Variants in DDB2 observed in about 807,000 individuals in gnomAD.
DDB2 encodes DNA damage-binding protein 2.
DDB2 carries 27 observed loss-of-function variants against 50.5 expected under a neutral mutation model. The observed-to-expected ratio is 0.53, with a 90% CI of 0.39 to 0.74. DDB2 has a LOEUF of 0.74. Ranked by LOEUF, DDB2 falls within the 30% of genes least tolerant of loss-of-function variation. The probability of loss-of-function intolerance (pLI) is 0.00; values close to 1 mark genes in which losing one functional copy is unlikely to be tolerated. For synonymous variants in DDB2, 176 were observed against 205.5 expected (o/e 0.86, Z 1.23); for missense variants, 424 against 545.6 (o/e 0.78, Z 2.22).
intron 3 of DDB2, among the ~76,000 whole-genome samples, chr11:47,225,388 C>G (rs572628631): frequency 6.6e-6 from 1 of 151,332 alleles, no homozygotes; most frequent in South Asian, 2.1e-4. Context: ...GTCAGGAGAT[C>G]GAGACCATCC....
chr11:47,235,716 G>C (rs977838914), intron 7 of DDB2: 1 of 466,476 alleles, frequency 2.1e-6, no homozygotes, highest in South Asian at 2.2e-5. Context: ...CTCAGCTTCA[G>C]TTACCTGTGT....
At chr11:47,234,960 C>T (rs1953703606) in intron 6 of DDB2, 26 bp downstream of exon 6, 2 of 1,612,734 alleles carry the variant, frequency 1.2e-6, no homozygotes, top group African/African-American at 1.3e-5. Flanking sequence ...CCTCATCTCT[C>T]CTGCAGACCC....
intron 3 of DDB2, among the ~76,000 whole-genome samples, chr11:47,218,623 C>T (rs987798493): frequency 2.0e-5 from 3 of 152,020 alleles, no homozygotes; most frequent in Non-Finnish European, 2.9e-5. Context: ...AGTGTGTCGT[C>T]CCCTCTAGGA....
At chr11:47,238,228 C>T (rs936604357) in intron 9 of DDB2, 45 bp downstream of exon 9, 2 of 1,556,892 alleles carry the variant, frequency 1.3e-6, no homozygotes, top group Non-Finnish European at 1.8e-6. Flanking sequence ...TCCGATCCTA[C>T]TTCCCAAGGT....
intron 1 of DDB2, chr11:47,215,481 G>T: frequency 3.3e-6 from 2 of 607,074 alleles, no homozygotes; most frequent in Non-Finnish European, 5.9e-6. Context: ...CGTAACAACA[G>T]ACACACGGAC....
chr11:47,238,737 A>G, intron 9 of DDB2, 63 bp from the exon 10 acceptor site: 1 of 1,587,798 alleles, frequency 6.3e-7, no homozygotes, highest in Non-Finnish European at 8.6e-7. Context: ...TTTGCGGGCC[A>G]GCCCCAGGCT....
chr11:47,238,694 G>T, intron 9 of DDB2, 106 bp from the exon 10 acceptor site: 1 of 1,299,226 alleles, frequency 7.7e-7, no homozygotes. Context: ...CACCGCGCCC[G>T]GCCTTCCTAG....
intron 9 of DDB2, among the ~76,000 whole-genome samples, 180 bp from the exon 10 acceptor site, chr11:47,238,620 G>C (rs778315100): frequency 6.6e-6 from 1 of 151,938 alleles, no homozygotes. Flanking sequence ...GGATGGTCTC[G>C]GTCTCCTGAC....
intron 3 of DDB2, among the ~76,000 whole-genome samples, chr11:47,219,636 C>T (rs1953453482): frequency 6.6e-6 from 1 of 152,144 alleles, no homozygotes. Flanking sequence ...CAGGGCTGAG[C>T]CACTGTGCTG....
intron 1 of DDB2, 183 bp from the exon 2 acceptor site, chr11:47,216,153 C>T: frequency 1.1e-6 from 1 of 903,666 alleles, no homozygotes; most frequent in Non-Finnish European, 1.8e-6. Context: ...GGGGAAGGGG[C>T]CAAATCCTCA....
intron 3 of DDB2, among the ~76,000 whole-genome samples, chr11:47,230,103 G>A (rs1223908089): frequency 6.7e-6 from 1 of 148,864 alleles, no homozygotes; most frequent in African/African-American, 2.5e-5. Flanking sequence ...TTTGAGACTG[G>A]CCTGAGTTAC....
rs542832519 is a variant in DDB2, at chr11:47,226,734, CTTTTTTTTTTT to C, written c.457-6065_457-6055del. Among the ~76,000 whole-genome samples the C allele has an allele frequency of 5.9e-4, 73 of 124,646 alleles. 1 individual carries two copies. Among genetic ancestry groups the C allele is most frequent in the Admixed American group, 3.9e-3 (47 of 12,074 alleles). The allele number at this position is 124,646 out of a possible 152,430, so 81.8% of individuals were successfully genotyped here. ...AGGAATGTCTATTCAAGTCCTTTGC[CTTTTTTTTTTT>C]TTTTTTTTTTTTTTGAAACAGGGTC... On this transcript the variant is annotated intron_variant, in intron 3 of 9. Coordinates refer to ENST00000256996, the MANE Select transcript of DDB2 (RefSeq NM_000107.3).
chr11:47,236,410 T>C (rs1953727168), intron 7 of DDB2, among the ~76,000 whole-genome samples: 1 of 152,238 alleles, frequency 6.6e-6, no homozygotes, highest in Non-Finnish European at 1.5e-5. Flanking sequence ...CAGACTGAGC[T>C]CTGCTAGTTC....
At chr11:47,229,568 T>G (rs938211454) in intron 3 of DDB2, among the ~76,000 whole-genome samples, 19 of 152,070 alleles carry the variant, frequency 1.2e-4, no homozygotes, top group African/African-American at 4.6e-4. Context: ...TAATCAAATA[T>G]GTAAGTATAT....
intron 6 of DDB2, 85 bp downstream of exon 6, chr11:47,235,019 C>T (rs548626444): frequency 3.3e-5 from 50 of 1,494,630 alleles, no homozygotes; most frequent in African/African-American, 9.6e-5. Flanking sequence ...GAAGCCACTA[C>T]GTCAAACCTT....
At chr11:47,224,067 A>G (rs950089159) in intron 3 of DDB2, among the ~76,000 whole-genome samples, 5 of 152,206 alleles carry the variant, frequency 3.3e-5, no homozygotes, top group African/African-American at 1.2e-4. Flanking sequence ...CCTGGGTGAC[A>G]GAGCAAGATC....
chr11:47,233,136 C>G, intron 4 of DDB2, 177 bp downstream of exon 4: 1 of 754,162 alleles, frequency 1.3e-6, no homozygotes. Flanking sequence ...TCACTTTGGT[C>G]CAGGTGGGTT....
At chr11:47,220,347 G>A (rs1484179859) in intron 3 of DDB2, 1 of 152,194 alleles carries the variant, frequency 6.6e-6, no homozygotes, top group Non-Finnish European at 1.5e-5. Context: ...GAAGAAATTT[G>A]TTTTCTTGTT....
At position 47,232,428 on chromosome 11, in the gene DDB2, G is replaced by T. The variant is rs4647740; in HGVS notation, c.457-386G>T. Among the ~76,000 whole-genome samples the T allele has an allele frequency of 5.3e-3, 802 of 152,092 alleles. 2 individuals are homozygous for T. The highest frequency in any genetic ancestry group is 0.018 in the African/African-American group (765 of 41,476). The stretch of plus-strand genomic sequence containing the variant: ...GCACTTTGGGAAGCCGTGGCAGGGG[G>T]ATCGCTTGAGCTTAGGAGTTCAAGA... On this transcript the variant is annotated intron_variant, in intron 3 of 9. Coordinates refer to ENST00000256996, the MANE Select transcript of DDB2 (RefSeq NM_000107.3).
Sources: gnomAD v4.1 joint callset for allele counts (sites outside exome capture counted in the v4.1 genomes callset) on GRCh38, gnomAD v4.1.1 for gene constraint, MANE v1.5 for transcripts, NCBI Gene and HGNC (gene_info 2026-07-23, HGNC 2026-07-21) for gene names.